Variants in DNAAF11 observed in about 807,000 individuals in gnomAD.
DNAAF11 encodes leucine rich repeat containing 6.
A neutral mutation model predicts 60.8 loss-of-function variants in DNAAF11; 45 were observed. The ratio of observed to expected loss-of-function variants is 0.74; its 90% confidence interval spans 0.58 to 0.95. The LOEUF is 0.95. Among genes scored for constraint, DNAAF11 ranks in the 40% least tolerant of loss-of-function variants. DNAAF11 has a pLI of 0.00. For missense variants in DNAAF11, 546 were observed against 546.2 expected, an observed-to-expected ratio of 1.00 and a Z score of 0.00; for synonymous variants, 191 against 183.5, an observed-to-expected ratio of 1.04 and a Z score of -0.33.
At chr8:132,603,483 G>C (rs1817835951) in intron 10 of DNAAF11, among the ~76,000 whole-genome samples, 2 of 151,952 alleles carry the variant, frequency 1.3e-5, no homozygotes, top group Admixed American at 1.3e-4. Context: ...TGGAGGAACT[G>C]TATAAGGGAT....
intron 11 of DNAAF11, among the ~76,000 whole-genome samples, chr8:132,581,557 G>A (rs576610334): frequency 9.8e-4 from 149 of 151,670 alleles, no homozygotes; most frequent in Non-Finnish European, 1.5e-3. Flanking sequence ...GGCTGAGGCT[G>A]GAGAATCGCT....
At chr8:132,619,082 A>G (rs1281894629) in intron 7 of DNAAF11, among the ~76,000 whole-genome samples, 3 of 152,192 alleles carry the variant, frequency 2.0e-5, no homozygotes, top group African/African-American at 7.2e-5. Context: ...GATTAAGAAA[A>G]TATGGCACAT....
intron 4 of DNAAF11, among the ~76,000 whole-genome samples, chr8:132,635,279 C>A (rs560379860): frequency 8.5e-5 from 13 of 152,148 alleles, no homozygotes; most frequent in Non-Finnish European, 1.6e-4. Context: ...TCCTGCAGCA[C>A]AAAGGTGGAG....
chr8:132,665,145 C>G (rs1824506158), intron 1 of DNAAF11, among the ~76,000 whole-genome samples: 1 of 152,122 alleles, frequency 6.6e-6, no homozygotes, highest in Admixed American at 6.5e-5. Flanking sequence ...GACAAGCAAA[C>G]TGCCGTGTGG....
At chr8:132,667,226 C>A (rs775930349) in intron 1 of DNAAF11, among the ~76,000 whole-genome samples, 1 of 152,170 alleles carries the variant, frequency 6.6e-6, no homozygotes, top group African/African-American at 2.4e-5. Context: ...CCATTCTCTA[C>A]CTGTTTATGA....
At chr8:132,650,171 T>C (rs1586692846) in intron 3 of DNAAF11, among the ~76,000 whole-genome samples, 1 of 152,202 alleles carries the variant, frequency 6.6e-6, no homozygotes, top group Non-Finnish European at 1.5e-5. Context: ...ATCAACACCA[T>C]GGAATACTAT....
chr8:132,642,135 A>G (rs1416519858), intron 3 of DNAAF11, among the ~76,000 whole-genome samples: 1 of 152,248 alleles, frequency 6.6e-6, no homozygotes, highest in African/African-American at 2.4e-5. Flanking sequence ...TAGAAAACTA[A>G]GATATAAGTT....
At chr8:132,680,205 G>A (rs1825844626), upstream of DNAAF11, among the ~76,000 whole-genome samples, 1 of 152,226 alleles carries the variant, frequency 6.6e-6, no homozygotes, top group Non-Finnish European at 1.5e-5. Flanking sequence ...TTCACTCAAA[G>A]TGGATGAAAG....
chr8:132,573,600 G>A (rs1441994359), intron 11 of DNAAF11, among the ~76,000 whole-genome samples: 2 of 152,166 alleles, frequency 1.3e-5, no homozygotes. Context: ...GGGAAATAAT[G>A]AAATTATATA....
chr8:132,677,623 A>C (rs1374959439), upstream of DNAAF11, among the ~76,000 whole-genome samples: 2 of 152,092 alleles, frequency 1.3e-5, no homozygotes, highest in Non-Finnish European at 2.9e-5. Context: ...TAATATATAT[A>C]GTCCCAGCTA....
At position 132,632,864 on chromosome 8, in the gene DNAAF11, A is replaced by G. The variant is rs1371996079; in HGVS notation, c.529T>C (p.Cys177Arg). The part of the protein sequence containing the change: ...PQIREQEKDH[C>R]LKRAKLKEEA... ...TCCTTGAGTTTGGCTCGTTTAAGAC[A>G]GTGATCTTTTTCCTGCTCTCTGATT... Residue 177 changes from cysteine to arginine, a missense_variant, in exon 5 of 12, where the codon TGT (cysteine) becomes CGT (arginine). Transcript: ENST00000620350. 6.2e-7 allele frequency: 1 copy of G among 1,613,854 alleles called. No homozygotes were observed. The highest frequency in any genetic ancestry group is 1.7e-5 in the Admixed American group (1 of 59,998).
intron 7 of DNAAF11, among the ~76,000 whole-genome samples, chr8:132,619,952 T>C (rs1221806168): frequency 6.6e-6 from 1 of 152,146 alleles, no homozygotes; most frequent in African/African-American, 2.4e-5. Flanking sequence ...GTAAATTGGA[T>C]GTTGGGAGGA....
intron 10 of DNAAF11, among the ~76,000 whole-genome samples, chr8:132,590,561 T>C (rs903154660): frequency 1.3e-5 from 2 of 152,248 alleles, no homozygotes; most frequent in African/African-American, 4.8e-5. Flanking sequence ...TACTCAAGTG[T>C]TTCCTGATTT....
Position 132,675,483 on chromosome 8 carries a change from C to T in DNAAF11, c.10+1G>A, listed in dbSNP as rs767624733. 1.9e-6 allele frequency: 3 copies of T among 1,568,632 alleles called. No homozygotes were observed. The highest frequency in any genetic ancestry group is 3.6e-5 in the Admixed American group (2 of 55,350). On this transcript the variant is annotated splice_donor_variant, in intron 1 of 11. Coordinates refer to ENST00000620350, the MANE Select transcript of DNAAF11 (RefSeq NM_012472.6). LOFTEE classifies it high-confidence loss of function. The stretch of plus-strand genomic sequence containing the variant: ...AGGACGGAAGGTGGAGGGGGGCTTA[C>T]TCCAGCCCATGGCGCCTCTCCAGTT...
intron 1 of DNAAF11, 152 bp from the exon 2 acceptor site, chr8:132,661,779 T>G: frequency 1.4e-6 from 1 of 735,148 alleles, no homozygotes; most frequent in Admixed American, 2.0e-5. Context: ...AGAGAGAAAA[T>G]GGTACCTCCT....
intron 5 of DNAAF11, among the ~76,000 whole-genome samples, chr8:132,627,643 C>T (rs1423169268): frequency 6.6e-6 from 1 of 152,190 alleles, no homozygotes; most frequent in Non-Finnish European, 1.5e-5. Flanking sequence ...TCTCTCCTGG[C>T]CCTGTTCCAG....
chr8:132,642,213 A>G (rs1459074499), intron 3 of DNAAF11, among the ~76,000 whole-genome samples: 3 of 152,204 alleles, frequency 2.0e-5, no homozygotes, highest in Non-Finnish European at 4.4e-5. Context: ...TACATGGCTA[A>G]TATTTATTTG....
intron 10 of DNAAF11, among the ~76,000 whole-genome samples, chr8:132,592,142 T>G (rs1485619575): frequency 1.3e-5 from 2 of 152,196 alleles, no homozygotes; most frequent in Non-Finnish European, 2.9e-5. Context: ...TTTTGAGTTC[T>G]TACAACATGC....
At chr8:132,582,256 T>A (rs1815418357) in intron 11 of DNAAF11, among the ~76,000 whole-genome samples, 1 of 152,180 alleles carries the variant, frequency 6.6e-6, no homozygotes. Context: ...GCATTTTACA[T>A]GTGATTGTGG....
Sources: gnomAD v4.1 joint callset for allele counts (sites outside exome capture counted in the v4.1 genomes callset) on GRCh38, gnomAD v4.1.1 for gene constraint, MANE v1.5 for transcripts, NCBI Gene and HGNC (gene_info 2026-07-23, HGNC 2026-07-21) for gene names.